The following DPP6 variants were observed in gnomAD, a reference collection of about 807,000 sequenced individuals.
DPP6 encodes dipeptidyl peptidase like 6.
A neutral mutation model predicts 122.6 loss-of-function variants in DPP6; 69 were observed. The ratio of observed to expected loss-of-function variants is 0.56; its 90% CI spans 0.46 to 0.69. The LOEUF (loss-of-function observed/expected upper bound fraction) is 0.69. DPP6 is among the 30% of genes least tolerant of loss of function. DPP6 has a pLI of 0.00. For missense variants in DPP6, 928 were observed against 1,116.9 expected (o/e 0.83, Z 2.41); for synonymous variants, 418 against 433.1 (o/e 0.97, Z 0.43).
chr7:154,487,299 C>T (rs1310842540), intron 3 of DPP6, among the ~76,000 whole-genome samples: 1 of 152,056 alleles, frequency 6.6e-6, no homozygotes, highest in Non-Finnish European at 1.5e-5. Flanking sequence ...GGTCATTATA[C>T]GGTTGTTTCC....
At chr7:154,599,267 C>T (rs540010989) in intron 5 of DPP6, among the ~76,000 whole-genome samples, 5 of 152,150 alleles carry the variant, frequency 3.3e-5, no homozygotes, top group Admixed American at 6.5e-5. Flanking sequence ...CAGATGGCCC[C>T]GCATAGGTCT....
At chr7:153,758,637 A>G in the DPP6 span, among the ~76,000 whole-genome samples, 4 of 149,562 alleles carry the variant, frequency 2.7e-5, no homozygotes, top group Non-Finnish European at 5.9e-5. Flanking sequence ...GTGGTCTTTT[A>G]TAGTCTGACA....
At chr7:154,278,987 G>A (rs1342246279) in intron 1 of DPP6, among the ~76,000 whole-genome samples, 1 of 151,968 alleles carries the variant, frequency 6.6e-6, no homozygotes, top group Non-Finnish European at 1.5e-5. Context: ...ATGTGTGTGT[G>A]CAGTTGATGT....
the DPP6 span, among the ~76,000 whole-genome samples, chr7:153,875,937 AAAC>A: frequency 4.0e-5 from 6 of 151,336 alleles, no homozygotes; most frequent in Non-Finnish European, 8.9e-5. Context: ...AAAAAAAAAA[AAAC>A]CCTGAAAAAA....
At chr7:153,965,535 T>C (rs144276681) in intron 1 of DPP6, among the ~76,000 whole-genome samples, 3,904 of 151,482 alleles carry the variant, frequency 0.026, 73 homozygotes, top group South Asian at 0.058. Context: ...TTTTTTGAGA[T>C]GGAGTCTCGC....
chr7:153,834,343 A>G, the DPP6 span, among the ~76,000 whole-genome samples: 2 of 152,104 alleles, frequency 1.3e-5, no homozygotes, highest in East Asian at 1.9e-4. Flanking sequence ...TAGGAATATA[A>G]TGGTAAATTA....
At chr7:154,003,781 C>T (rs1797787091) in intron 1 of DPP6, among the ~76,000 whole-genome samples, 1 of 152,154 alleles carries the variant, frequency 6.6e-6, no homozygotes, top group South Asian at 2.1e-4. Flanking sequence ...CCTTCTCTGC[C>T]TCCTGGGACT....
rs1392143392 is a variant in DPP6, at chr7:154,483,404, A to AAC, written c.457+8368_457+8369insCA. Among the ~76,000 whole-genome samples, 132 of 146,620 alleles carry AAC rather than the reference A, an allele frequency of 9.0e-4. 1 individual carries two copies. The East Asian group carries it at 0.015, about 17-fold the overall frequency. On this transcript the variant is annotated intron_variant, in intron 3 of 25. Coordinates refer to ENST00000377770, the MANE Select transcript of DPP6 (RefSeq NM_130797.4). This position sits in a 1 kb window ranked among gnomAD's most constrained non-coding sequence, Gnocchi z 8.1. ...CACAATACAATTTTTTTTTTTTTAA[A>AAC]AGCATTTATTTGAGCAAACAGTGAT...
the DPP6 span, among the ~76,000 whole-genome samples, chr7:153,874,633 C>G: frequency 2.0e-5 from 3 of 152,202 alleles, no homozygotes; most frequent in Non-Finnish European, 1.5e-5. Flanking sequence ...ACCTAGGCCT[C>G]CCAGAGTGCT....
intron 1 of DPP6, among the ~76,000 whole-genome samples, chr7:154,133,875 G>A (rs920611267): frequency 1.3e-5 from 2 of 150,544 alleles, no homozygotes; most frequent in African/African-American, 4.9e-5. Flanking sequence ...ACAGGACCGA[G>A]TGAGTCTCTC....
chr7:153,949,312 C>T (rs1372027730), intron 1 of DPP6, among the ~76,000 whole-genome samples: 2 of 152,208 alleles, frequency 1.3e-5, no homozygotes, highest in African/African-American at 4.8e-5. Context: ...CCCCTTGTCC[C>T]TGAAGCTTCT....
chr7:154,453,738 C>T (rs532033504), intron 2 of DPP6, among the ~76,000 whole-genome samples: 1 of 152,060 alleles, frequency 6.6e-6, no homozygotes, highest in African/African-American at 2.4e-5. Flanking sequence ...TCTGACATCA[C>T]AGAGTAGTAT....
In DPP6 at chr7:154,626,894, T is replaced by TTACATGGA. The variant is rs1164920620; in HGVS notation, c.628-10926_628-10919dup. On this transcript the variant is annotated intron_variant, in intron 5 of 25. Transcript: ENST00000377770. ...AAGGGAAAGATCAAGAACCTTCGGTTTACATGGAGCTATTTCCTAATATTT... is the reference window on the plus strand; with the variant it reads ...AAGGGAAAGATCAAGAACCTTCGGTTTACATGGATACATGGAGCTATTTCCTAATATTT... 3.3e-5 allele frequency among the ~76,000 whole-genome samples: 5 copies of TTACATGGA among 152,252 alleles called. No individual in the cohort carries two copies. In the East Asian group the frequency reaches 9.6e-4, roughly 29 times the overall value.
chr7:154,120,094 T>G (rs1807328672), intron 1 of DPP6, among the ~76,000 whole-genome samples: 1 of 152,250 alleles, frequency 6.6e-6, no homozygotes. Context: ...CACTCTCAAG[T>G]TTGAACTCTG....
intron 1 of DPP6, among the ~76,000 whole-genome samples, chr7:153,961,124 G>A (rs1795330196): frequency 7.8e-6 from 1 of 128,482 alleles, no homozygotes; most frequent in Admixed American, 8.2e-5. Flanking sequence ...AGAATAAAAA[G>A]AGATGATCTG....
intron 3 of DPP6, among the ~76,000 whole-genome samples, chr7:154,499,538 C>T (rs1384456176): frequency 6.6e-6 from 1 of 152,152 alleles, no homozygotes; most frequent in Non-Finnish European, 1.5e-5. Context: ...TTCATTTTCT[C>T]ATCTCATGGG....
intron 5 of DPP6, among the ~76,000 whole-genome samples, chr7:154,575,993 C>T (rs1831645159): frequency 6.6e-6 from 1 of 152,136 alleles, no homozygotes; most frequent in African/African-American, 2.4e-5. Flanking sequence ...CTTTTGCACA[C>T]ATCCCCAGAC....
intron 3 of DPP6, among the ~76,000 whole-genome samples, chr7:154,536,357 A>C (rs1828254524): frequency 6.6e-6 from 1 of 152,176 alleles, no homozygotes; most frequent in Non-Finnish European, 1.5e-5. Flanking sequence ...TCATTTCTAG[A>C]TAGGTTATGT....
intron 1 of DPP6, among the ~76,000 whole-genome samples, chr7:153,914,391 G>A (rs1329797217): frequency 6.6e-6 from 1 of 152,130 alleles, no homozygotes; most frequent in Non-Finnish European, 1.5e-5. Flanking sequence ...CAGATCCTAA[G>A]TCCAGGAATT....
Sources: gnomAD v4.1 joint callset for allele counts (sites outside exome capture counted in the v4.1 genomes callset) on GRCh38, gnomAD v4.1.1 for gene constraint, Gnocchi (gnomAD v3.1) non-coding constraint, MANE v1.5 for transcripts, NCBI Gene and HGNC (gene_info 2026-07-23, HGNC 2026-07-21) for gene names.